Variants in DAB1 observed in about 807,000 individuals in gnomAD.
DAB1 encodes DAB adaptor protein 1, also known as disabled homolog 1.
In DAB1, 15 loss-of-function variants were observed where a neutral mutation model predicts 64.6. The observed-to-expected ratio is 0.23, with a 90% confidence interval of 0.16 to 0.36. The LOEUF is 0.36. Ranked by LOEUF, DAB1 falls within the 10% of genes least tolerant of loss-of-function variation. DAB1 has a pLI of 1.00. For missense variants in DAB1, 596 were observed against 706.7 expected (o/e 0.84, Z 1.78); for synonymous variants, 235 against 251.9 (o/e 0.93, Z 0.64).
chr1:58,492,286 G>C (rs1161840015), intron 3 of DAB1, among the ~76,000 whole-genome samples: 1 of 152,028 alleles, frequency 6.6e-6, no homozygotes, highest in Admixed American at 6.5e-5. Flanking sequence ...GAAATTTATA[G>C]CACTAAATGC....
At chr1:57,737,266 T>C (rs1647737402) in intron 6 of DAB1, among the ~76,000 whole-genome samples, 1 of 152,202 alleles carries the variant, frequency 6.6e-6, no homozygotes, top group South Asian at 2.1e-4. Flanking sequence ...TGCACTTAAC[T>C]CCGTGGCATA....
intron 5 of DAB1, among the ~76,000 whole-genome samples, chr1:57,964,644 T>G (rs1484499917): frequency 6.6e-6 from 1 of 152,222 alleles, no homozygotes; most frequent in Non-Finnish European, 1.5e-5. Flanking sequence ...CCCACTAGAC[T>G]GCAAGCTCAT....
chr1:57,771,798 A>G (rs1436293381), intron 6 of DAB1, among the ~76,000 whole-genome samples: 1 of 152,072 alleles, frequency 6.6e-6, no homozygotes, highest in African/African-American at 2.4e-5. Context: ...CAGTCATGAT[A>G]CATTTGTTTT....
At chr1:57,725,758 C>CTT (rs35572928) in intron 6 of DAB1, among the ~76,000 whole-genome samples, 10 of 146,752 alleles carry the variant, frequency 6.8e-5, no homozygotes, top group African/African-American at 2.0e-4. Context: ...CTTTTCTTTT[C>CTT]TTTTTTTTTT....
intron 1 of DAB1, among the ~76,000 whole-genome samples, chr1:57,827,073 CTCTT>C (rs753583097): frequency 9.9e-5 from 15 of 152,198 alleles, no homozygotes; most frequent in Non-Finnish European, 5.9e-5. Flanking sequence ...GCTATGGTAA[CTCTT>C]TATTGTTTAA....
chr1:57,365,851 A>G (rs889966629), intron 1 of DAB1, among the ~76,000 whole-genome samples: 1 of 152,190 alleles, frequency 6.6e-6, no homozygotes, highest in African/African-American at 2.4e-5. Flanking sequence ...GACACCTTCT[A>G]GTGTGTCTTG....
intron 1 of DAB1, among the ~76,000 whole-genome samples, chr1:57,844,861 C>T (rs1174513491): frequency 6.6e-6 from 1 of 152,130 alleles, no homozygotes. Context: ...CCCACCTGCC[C>T]AGGTAACAGT....
chr1:57,575,469 C>A (rs897988482), intron 7 of DAB1, among the ~76,000 whole-genome samples: 1 of 152,042 alleles, frequency 6.6e-6, no homozygotes, highest in Non-Finnish European at 1.5e-5. Context: ...GGTCCCACAT[C>A]GAAAAGTTGA....
chr1:57,880,915 T>C (rs1361188089), intron 1 of DAB1: 1 of 152,232 alleles, frequency 6.6e-6, no homozygotes, highest in Admixed American at 6.5e-5. Context: ...ACCTCTATTT[T>C]ACTTGTTGAA....
At chr1:58,385,181 T>C (rs1016723609) in intron 3 of DAB1, among the ~76,000 whole-genome samples, 10 of 152,252 alleles carry the variant, frequency 6.6e-5, no homozygotes, top group African/African-American at 2.2e-4. Flanking sequence ...GTGGTGATGG[T>C]AGCAGGAGTG....
intron 9 of DAB1, among the ~76,000 whole-genome samples, chr1:57,054,757 C>T (rs1410184615): frequency 2.0e-5 from 3 of 152,140 alleles, no homozygotes; most frequent in African/African-American, 7.2e-5. Context: ...GGATTACAGG[C>T]GTGTGCCACG....
chr1:57,944,938 TGG>T (rs1645162086), intron 5 of DAB1, among the ~76,000 whole-genome samples: 2 of 152,314 alleles, frequency 1.3e-5, no homozygotes, highest in African/African-American at 4.8e-5. Context: ...TTCTCTACCA[TGG>T]TCACCATCAC....
chr1:57,406,641 C>T (rs1217666432), intron 1 of DAB1, among the ~76,000 whole-genome samples: 1 of 152,198 alleles, frequency 6.6e-6, no homozygotes, highest in East Asian at 1.9e-4. Flanking sequence ...TTGCCACCAG[C>T]ACCGCAATCT....
chr1:57,515,038 G>A (rs531795876), intron 7 of DAB1, among the ~76,000 whole-genome samples: 8 of 152,044 alleles, frequency 5.3e-5, no homozygotes, highest in East Asian at 1.9e-4. Context: ...GTGGAAGAAC[G>A]GAAACGAAGG....
At chr1:57,686,428 A>C (rs989719339) in intron 6 of DAB1, among the ~76,000 whole-genome samples, 1 of 152,098 alleles carries the variant, frequency 6.6e-6, no homozygotes, top group Non-Finnish European at 1.5e-5. Context: ...CCAGAAAAGA[A>C]AAACCGCGGA....
At chr1:58,524,449 C>T (rs185523409) in intron 2 of DAB1, among the ~76,000 whole-genome samples, 148 of 152,236 alleles carry the variant, frequency 9.7e-4, no homozygotes, top group Admixed American at 3.3e-3. Flanking sequence ...AATGACTTTG[C>T]TTTTTCTTGA....
chr1:57,237,150 T>G (rs374343625), intron 2 of DAB1, among the ~76,000 whole-genome samples: 1 of 152,194 alleles, frequency 6.6e-6, no homozygotes, highest in South Asian at 2.1e-4. Context: ...CATTTAGGAG[T>G]AATTCTGACA....
At chr1:57,480,311 A>G (rs1644000286) in intron 7 of DAB1, among the ~76,000 whole-genome samples, 1 of 152,126 alleles carries the variant, frequency 6.6e-6, no homozygotes, top group South Asian at 2.1e-4. Context: ...TCTAGCTTAG[A>G]TGGGATAATG....
chr1:57,254,723 T>C (rs1010361458), intron 2 of DAB1, among the ~76,000 whole-genome samples: 1 of 152,112 alleles, frequency 6.6e-6, no homozygotes, highest in Non-Finnish European at 1.5e-5. Context: ...TGTGGAAAAT[T>C]TGAAAAATTT....
Sources: allele counts gnomAD v4.1 joint callset (sites outside exome capture counted in the v4.1 genomes callset), GRCh38; gene constraint gnomAD v4.1.1; transcripts MANE v1.5; gene names NCBI Gene and HGNC (gene_info 2026-07-23, HGNC 2026-07-21).